COL4A4: variants seen among roughly 807,000 people sequenced by gnomAD.
COL4A4 encodes the protein collagen type IV alpha 4 chain.
Under a neutral mutation model 192.9 loss-of-function variants are expected in COL4A4, and 105 were observed. The ratio of observed to expected loss-of-function variants is 0.54; its 90% confidence interval spans 0.46 to 0.64. The LOEUF is 0.64. COL4A4 is among the 30% of genes least tolerant of loss of function. COL4A4 has a pLI of 0.00. For missense variants in COL4A4, 1,967 were observed against 2,169.3 expected, an observed-to-expected ratio of 0.91 and a Z score of 1.85; for synonymous variants, 762 against 769.9, an observed-to-expected ratio of 0.99 and a Z score of 0.17.
At chr2:227,092,824 C>T (rs756412571) in intron 20 of COL4A4, among the ~76,000 whole-genome samples, 6 of 151,892 alleles carry the variant, frequency 4.0e-5, no homozygotes, top group Non-Finnish European at 8.8e-5. Flanking sequence ...GTGCACATGT[C>T]GGGTGAGGGG....
chr2:227,014,477 C>A (rs1423432172), intron 44 of COL4A4, among the ~76,000 whole-genome samples: 2 of 152,186 alleles, frequency 1.3e-5, no homozygotes. Context: ...TTCTTAAAAC[C>A]AGAAATTCTA....
chr2:227,036,485 TG>T (rs1969704571), intron 37 of COL4A4, among the ~76,000 whole-genome samples: 2 of 152,218 alleles, frequency 1.3e-5, no homozygotes, highest in Admixed American at 1.3e-4. Flanking sequence ...ACGGGACAGC[TG>T]CTCACCCTAA....
intron 31 of COL4A4, 71 bp downstream of exon 31, chr2:227,054,523 A>C: frequency 9.8e-6 from 15 of 1,533,536 alleles, no homozygotes; most frequent in Non-Finnish European, 1.4e-5. Flanking sequence ...TTTATTTTTC[A>C]GAGATCACAT....
At chr2:227,121,552 A>G (rs1397283948) in intron 4 of COL4A4, among the ~76,000 whole-genome samples, 1 of 131,120 alleles carries the variant, frequency 7.6e-6, no homozygotes, top group Non-Finnish European at 1.6e-5. Context: ...ACAGAGACAG[A>G]CCCTATCTCA....
chr2:226,994,837 C>A, the COL4A4 span, among the ~76,000 whole-genome samples: 6 of 152,164 alleles, frequency 3.9e-5, no homozygotes, highest in Admixed American at 3.9e-4. Flanking sequence ...TTTTCAGTAA[C>A]GATTTCCACA....
At chr2:227,026,025 G>C (rs1425412355) in intron 42 of COL4A4, among the ~76,000 whole-genome samples, 1 of 152,010 alleles carries the variant, frequency 6.6e-6, no homozygotes, top group African/African-American at 2.4e-5. Context: ...TTTAGTAACG[G>C]AGTTTTCATC....
chr2:227,019,625 C>T (rs1965585708), intron 44 of COL4A4, among the ~76,000 whole-genome samples: 1 of 152,200 alleles, frequency 6.6e-6, no homozygotes, highest in Admixed American at 6.5e-5. Flanking sequence ...ATTAACCTCT[C>T]ACCATCCCAT....
upstream of COL4A4, chr2:227,164,426 G>T (rs2065118259): frequency 2.0e-6 from 1 of 500,194 alleles, no homozygotes; most frequent in Non-Finnish European, 3.6e-6. The surrounding 1 kb of genome is among the most constrained non-coding windows in gnomAD (Gnocchi z 4.8). Context: ...CCCCTCAGGC[G>T]CCCAGCCCTT....
At chr2:227,161,441 T>C (rs182493258) in intron 1 of COL4A4, among the ~76,000 whole-genome samples, 74 of 152,334 alleles carry the variant, frequency 4.9e-4, no homozygotes, top group African/African-American at 1.7e-3. Context: ...CATCCTCCTT[T>C]CCTCTTGCTG....
intron 35 of COL4A4, among the ~76,000 whole-genome samples, chr2:227,046,382 A>G (rs1972868536): frequency 6.6e-6 from 1 of 151,960 alleles, no homozygotes; most frequent in African/African-American, 2.4e-5. Context: ...CAAGGTACCC[A>G]TCTAAACACA....
At chr2:227,120,406 T>C (rs1576656541) in intron 5 of COL4A4, among the ~76,000 whole-genome samples, 2 of 152,232 alleles carry the variant, frequency 1.3e-5, no homozygotes, top group Non-Finnish European at 2.9e-5. Context: ...GAATGGTCTC[T>C]AAGACATATT....
At chr2:227,150,357 T>A (rs908622116) in intron 1 of COL4A4, among the ~76,000 whole-genome samples, 1 of 152,134 alleles carries the variant, frequency 6.6e-6, no homozygotes, top group Non-Finnish European at 1.5e-5. Flanking sequence ...TGAATCAATT[T>A]AAGTAATTAT....
Position 227,041,834 on chromosome 2 carries a change from A to AAG in COL4A4, c.3505+312_3505+313dup, listed in dbSNP as rs1354325705. Among the ~76,000 whole-genome samples, 315 of 41,732 alleles carry AAG rather than the reference A, an allele frequency of 7.5e-3. 2 individuals are homozygous for AAG. Among genetic ancestry groups the AAG allele is most frequent in the African/African-American group, 0.012 (90 of 7,668 alleles). The allele number at this position is 41,732 out of a possible 152,430, so 27.4% of individuals were successfully genotyped here. ...AAAGAAAGAAAGAAAGAAAGAAAGA[A>AAG]AGAAAGAAAGAAAGAGAAAGAAAGA... On this transcript the variant is annotated intron_variant, in intron 37 of 47. Transcript: ENST00000396625.
Position 227,007,334 on chromosome 2 carries a change from C to T in COL4A4, c.5064G>A (p.Lys1688=), listed in dbSNP as rs768552485. 6.8e-6 allele frequency: 11 copies of T among 1,614,242 alleles called. No individual in the cohort carries two copies. Among genetic ancestry groups the T allele is most frequent in the South Asian group, 6.6e-5 (6 of 91,084 alleles). ...GTGAATTTCGCATTCTCTAGCTATA[C>T]TTCACGCAGACCTGGCACCGGCTGA... ...QKISRCQVCV[K]YS is the part of the protein sequence containing the mutation. Residue 1688 remains lysine, a synonymous_variant, in exon 48 of 48, where the codon AAG becomes AAA. Transcript: ENST00000396625.
chr2:226,993,413 G>A, the COL4A4 span, among the ~76,000 whole-genome samples: 1 of 152,200 alleles, frequency 6.6e-6, no homozygotes, highest in Non-Finnish European at 1.5e-5. Flanking sequence ...GCACTCACAA[G>A]TGCAATTAAG....
intron 35 of COL4A4, among the ~76,000 whole-genome samples, chr2:227,044,702 G>C (rs1013626339): frequency 1.3e-5 from 2 of 152,086 alleles, no homozygotes; most frequent in African/African-American, 2.4e-5. Context: ...TTTTCTCTCT[G>C]AATAGAGTGC....
intron 24 of COL4A4, among the ~76,000 whole-genome samples, chr2:227,079,406 A>G (rs1469325956): frequency 6.6e-6 from 1 of 152,252 alleles, no homozygotes; most frequent in Non-Finnish European, 1.5e-5. Flanking sequence ...GAGAGGAAGA[A>G]TGAATTAAGC....
intron 38 of COL4A4, 87 bp from the exon 39 acceptor site, chr2:227,032,363 G>A (rs565295997): frequency 8.9e-5 from 131 of 1,469,304 alleles, no homozygotes; most frequent in Middle Eastern, 6.2e-4. Flanking sequence ...TCCCAATAGC[G>A]GCAGAGGAGT....
At chr2:227,053,675 G>T (rs1030046997) in intron 31 of COL4A4, among the ~76,000 whole-genome samples, 2 of 151,000 alleles carry the variant, frequency 1.3e-5, no homozygotes, top group Non-Finnish European at 2.9e-5. Context: ...AGCCTCCCGA[G>T]TAGCTGGGAC....
Sources: allele counts gnomAD v4.1 joint callset (sites outside exome capture counted in the v4.1 genomes callset), GRCh38; gene constraint gnomAD v4.1.1; non-coding constraint Gnocchi (gnomAD v3.1); transcripts MANE v1.5; gene names NCBI Gene and HGNC (gene_info 2026-07-23, HGNC 2026-07-21).